The following RPS6KA1 variants were observed in gnomAD, a reference collection of about 807,000 sequenced individuals.
RPS6KA1 encodes the protein ribosomal protein S6 kinase alpha-1.
In RPS6KA1, 48 loss-of-function variants were observed where a neutral mutation model predicts 91.3. The observed-to-expected ratio is 0.53, with a 90% CI of 0.42 to 0.67. The LOEUF is 0.67. Among genes scored for constraint, RPS6KA1 ranks in the 30% least tolerant of loss-of-function variants. The pLI, the probability that RPS6KA1 is intolerant of heterozygous loss-of-function variation, is 0.00. For synonymous variants in RPS6KA1, 359 were observed against 384.7 expected, an observed-to-expected ratio of 0.93 and a Z score of 0.78; for missense variants, 719 against 960.5, an observed-to-expected ratio of 0.75 and a Z score of 3.32.
intron 17 of RPS6KA1, among the ~76,000 whole-genome samples, chr1:26,563,050 G>A (rs1043307018): frequency 4.0e-5 from 6 of 151,888 alleles, no homozygotes; most frequent in African/African-American, 1.5e-4. Flanking sequence ...TGTTGGCCAG[G>A]CTGGTCTCAA....
intron 1 of RPS6KA1, among the ~76,000 whole-genome samples, chr1:26,532,568 C>T (rs949666241): frequency 1.3e-5 from 2 of 152,156 alleles, no homozygotes; most frequent in East Asian, 1.9e-4. Flanking sequence ...CAGTCTTTGC[C>T]GAGGGCTGGC....
chr1:26,550,404 G>A (rs1004547853), intron 4 of RPS6KA1, among the ~76,000 whole-genome samples: 2 of 150,684 alleles, frequency 1.3e-5, no homozygotes, highest in Admixed American at 1.3e-4. Flanking sequence ...GGATGGTCTC[G>A]ATCTCCTGAC....
chr1:26,557,098 A>G lies in RPS6KA1; in HGVS notation c.1082A>G (p.Lys361Arg), dbSNP rs898988612. Residue 361 changes from lysine (K) to arginine (R), a missense_variant and splice_region_variant, in exon 13 of 22, where the codon AAG becomes AGG. Lys to Arg is a conservative substitution (Grantham distance 26). Coordinates refer to ENST00000374168, the MANE Select transcript of RPS6KA1 (RefSeq NM_002953.4). ...ACCGAGTTCACGTCCCGCACACCCA[A>G]GGGTGCGTCCCTTATCTGTTTTGTC... Reference protein sequence around the residue: ...FDTEFTSRTPKDSPGIPPSAG... With the variant: ...FDTEFTSRTPRDSPGIPPSAG... 1.2e-6 allele frequency: 2 copies of G among 1,609,188 alleles called. No individual in the cohort carries two copies. The highest frequency in any genetic ancestry group is 1.7e-6 in the Non-Finnish European group (2 of 1,175,750).
intron 2 of RPS6KA1, among the ~76,000 whole-genome samples, chr1:26,544,366 T>C (rs1419140724): frequency 6.6e-6 from 1 of 152,180 alleles, no homozygotes; most frequent in Non-Finnish European, 1.5e-5. Context: ...TGGGTTTATG[T>C]CTTCATCTGT....
chr1:26,558,392 T>C lies in RPS6KA1; in HGVS notation c.1085-415T>C, dbSNP rs1309071442. Among the ~76,000 whole-genome samples, 3 of 152,122 alleles carry C rather than the reference T, an allele frequency of 2.0e-5. No homozygotes were observed. Among genetic ancestry groups the C allele is most frequent in the African/African-American group, 7.2e-5 (3 of 41,398 alleles). On this transcript the variant is annotated intron_variant, in intron 13 of 21. Coordinates refer to ENST00000374168, the MANE Select transcript of RPS6KA1 (RefSeq NM_002953.4). The surrounding 1 kb of genome is among the most constrained non-coding windows in gnomAD (Gnocchi z 4.0). ...ATCACAGGGCCCTCAATTGCCAGAC[T>C]CAGGAGCTGGACTTACTCCTGAAGG...
At chr1:26,560,921 A>T (rs910654102) in intron 15 of RPS6KA1, 70 bp downstream of exon 15, 6 of 1,609,950 alleles carry the variant, frequency 3.7e-6, no homozygotes, top group Non-Finnish European at 3.4e-6. Context: ...GTGGGGAGGG[A>T]TGGTGCCTGA....
intron 11 of RPS6KA1, 78 bp from the exon 12 acceptor site, chr1:26,556,576 G>C: frequency 6.7e-7 from 1 of 1,499,154 alleles, no homozygotes; most frequent in Non-Finnish European, 9.3e-7. Flanking sequence ...CCAGAGCCCT[G>C]TGAGGCTGCT....
intron 20 of RPS6KA1, among the ~76,000 whole-genome samples, 172 bp downstream of exon 20, chr1:26,572,465 T>C (rs282176): frequency 0.39 from 59,805 of 151,546 alleles, 13,528 homozygotes; most frequent in East Asian, 0.8. Flanking sequence ...ACCACCTCCG[T>C]ACCTTGTTGG....
intron 2 of RPS6KA1, chr1:26,543,271 G>C: frequency 7.2e-7 from 1 of 1,381,704 alleles, no homozygotes; most frequent in South Asian, 1.2e-5. Flanking sequence ...CCATGACTGG[G>C]CAAGGAATGG....
chr1:26,570,046 G>A (rs1165351922), intron 17 of RPS6KA1, among the ~76,000 whole-genome samples: 1 of 152,218 alleles, frequency 6.6e-6, no homozygotes, highest in Non-Finnish European at 1.5e-5. Context: ...TGTGGGATGT[G>A]TTGAGTTTGA....
intron 20 of RPS6KA1, among the ~76,000 whole-genome samples, chr1:26,572,552 C>T (rs568026366): frequency 3.5e-4 from 53 of 152,144 alleles, no homozygotes; most frequent in African/African-American, 1.2e-3. Context: ...ATCACAGTCC[C>T]GGCTTTGTGG....
rs1391698220 is a variant in RPS6KA1, at chr1:26,550,440, C to T, written c.308-957C>T. Among the ~76,000 whole-genome samples the T allele has an allele frequency of 3.3e-5, 5 of 151,814 alleles. No homozygotes were observed. In the East Asian group the frequency reaches 9.7e-4, roughly 29 times the overall value. On this transcript the variant is annotated intron_variant, in intron 4 of 21. Transcript: ENST00000374168. ...CTCATGATCTGCCTGCCTCGGCCTC[C>T]CAAAGTGCTGGGATTAGAGGTGTGA...
intron 20 of RPS6KA1, 76 bp from the exon 21 acceptor site, chr1:26,573,148 G>T: frequency 1.3e-6 from 2 of 1,482,484 alleles, no homozygotes; most frequent in South Asian, 2.3e-5. Flanking sequence ...GCAGGAGATG[G>T]TTGCCCTCCT....
At position 26,563,104 on chromosome 1, in the gene RPS6KA1, G is replaced by T. The variant is rs1263043206; in HGVS notation, c.1590+1441G>T. 3.3e-5 allele frequency among the ~76,000 whole-genome samples: 5 copies of T among 151,976 alleles called. No homozygotes were observed. The East Asian group carries it at 9.7e-4, about 29-fold the overall frequency. The stretch of plus-strand genomic sequence containing the variant: ...TCTGCCCGCCTCGGCCTCCCAAAGT[G>T]CTGGGATTACAGGTGTGAGCCACCA... On this transcript the variant is annotated intron_variant, in intron 17 of 21. Coordinates refer to ENST00000374168, the MANE Select transcript of RPS6KA1 (RefSeq NM_002953.4).
chr1:26,560,484 C>G (rs2076144205), intron 14 of RPS6KA1, among the ~76,000 whole-genome samples: 1 of 152,242 alleles, frequency 6.6e-6, no homozygotes. Context: ...CTACACTGCC[C>G]TCTGACCACA....
rs1475650540 is a variant in RPS6KA1, at chr1:26,558,817, C to T, written c.1095C>T (p.Gly365=). The T allele has an allele frequency of 3.1e-6, 5 of 1,608,640 alleles. No individual in the cohort carries two copies. The highest frequency in any genetic ancestry group is 2.2e-5 in the East Asian group (1 of 44,676). The change falls in exon 14 of 22, where the codon GGC becomes GGT. Residue 365 remains glycine, a synonymous_variant. Transcript: ENST00000374168. The surrounding 1 kb of genome is among the most constrained non-coding windows in gnomAD (Gnocchi z 4.0). ...FTSRTPKDSP[G]IPPSAGAHQL... is the part of the protein sequence containing the mutation. ...CTTCCATCCGTACAGATTCCCCAGG[C>T]ATCCCCCCCAGCGCTGGGGCCCATC...
intron 20 of RPS6KA1, 59 bp from the exon 21 acceptor site, chr1:26,573,165 C>G: frequency 6.3e-7 from 1 of 1,576,102 alleles, no homozygotes; most frequent in Admixed American, 1.7e-5. Context: ...TCCTGTGCCC[C>G]ATCAGGGGCC....
At chr1:26,536,885 G>A (rs2124615056) in intron 1 of RPS6KA1, 40 bp from the exon 2 acceptor site, 1 of 1,611,784 alleles carries the variant, frequency 6.2e-7, no homozygotes, top group East Asian at 2.2e-5. Flanking sequence ...AAGCGTGTAA[G>A]TTCTGACAGT....
Position 26,555,336 on chromosome 1 carries a change from T to G in RPS6KA1, c.827+115T>G. On this transcript the variant is annotated intron_variant, in intron 10 of 21. Coordinates refer to ENST00000374168, the MANE Select transcript of RPS6KA1 (RefSeq NM_002953.4). The surrounding 1 kb of genome is among the most constrained non-coding windows in gnomAD (Gnocchi z 4.3). Reference sequence around the variant, plus strand: ...TCAGCTACCCTCTCTAATGAGACTCTCCTCTGGGTTAAACATTATACCTTC... The same window carrying G: ...TCAGCTACCCTCTCTAATGAGACTCGCCTCTGGGTTAAACATTATACCTTC... The G allele has an allele frequency of 1.8e-6, 2 of 1,105,044 alleles. No individual in the cohort carries two copies. The highest frequency in any genetic ancestry group is 2.1e-5 in the Admixed American group (1 of 46,696). 68.5% of individuals were successfully genotyped at this position (1,105,044 alleles called of 1,614,324 possible).
Sources: gnomAD v4.1 joint callset for allele counts (sites outside exome capture counted in the v4.1 genomes callset) on GRCh38, gnomAD v4.1.1 for gene constraint, Gnocchi (gnomAD v3.1) non-coding constraint, MANE v1.5 for transcripts, NCBI Gene and HGNC (gene_info 2026-07-23, HGNC 2026-07-21) for gene names.